The following CYP39A1 variants were observed in gnomAD, a reference collection of about 807,000 sequenced individuals.
CYP39A1 encodes the protein 24-hydroxycholesterol 7-alpha-hydroxylase.
Under a neutral mutation model 58.1 loss-of-function variants are expected in CYP39A1, and 49 were observed. The ratio of observed to expected loss-of-function variants is 0.84; its 90% CI spans 0.67 to 1.07. The LOEUF (loss-of-function observed/expected upper bound fraction) is 1.07. Ranked by LOEUF, CYP39A1 falls within the 50% of genes least tolerant of loss-of-function variation. The probability of loss-of-function intolerance (pLI) is 0.00; values close to 1 mark genes in which losing one functional copy is unlikely to be tolerated. For missense variants in CYP39A1, 531 were observed against 539.4 expected (o/e 0.98, Z 0.16); for synonymous variants, 209 against 187.6 (o/e 1.11, Z -0.93).
At chr6:46,574,618 G>A (rs1582316367) in intron 10 of CYP39A1, among the ~76,000 whole-genome samples, 2 of 152,150 alleles carry the variant, frequency 1.3e-5, no homozygotes, top group Non-Finnish European at 2.9e-5. Context: ...CAGTTAAGAT[G>A]AGATGAGAAA....
intron 4 of CYP39A1, among the ~76,000 whole-genome samples, chr6:46,636,889 T>G (rs769343347): frequency 2.0e-5 from 3 of 152,186 alleles, no homozygotes; most frequent in Non-Finnish European, 4.4e-5. Context: ...CAGTCACCAT[T>G]GTAGATGAAT....
At chr6:46,652,347 A>C (rs2150622619) in intron 1 of CYP39A1, 59 bp downstream of exon 1, 1 of 1,504,370 alleles carries the variant, frequency 6.6e-7, no homozygotes, top group Middle Eastern at 1.9e-4. Flanking sequence ...TCAATGAAAG[A>C]AAGTTTAAAA....
chr6:46,636,947 T>C (rs1776027294), intron 4 of CYP39A1, among the ~76,000 whole-genome samples: 1 of 152,172 alleles, frequency 6.6e-6, no homozygotes, highest in South Asian at 2.1e-4. Flanking sequence ...CCCAAATCTT[T>C]ATATGTTGAA....
intron 7 of CYP39A1, among the ~76,000 whole-genome samples, chr6:46,617,700 C>T (rs1019678270): frequency 6.6e-6 from 1 of 152,054 alleles, no homozygotes; most frequent in Non-Finnish European, 1.5e-5. Flanking sequence ...GCTGTATGGT[C>T]TTAGGTAAGT....
At chr6:46,585,231 C>A (rs1313513789) in intron 10 of CYP39A1, among the ~76,000 whole-genome samples, 3 of 152,114 alleles carry the variant, frequency 2.0e-5, no homozygotes, top group Non-Finnish European at 4.4e-5. Context: ...CCATACTACA[C>A]ACTTCATTGC....
chr6:46,584,462 C>T (rs1358589474), intron 10 of CYP39A1, among the ~76,000 whole-genome samples: 1 of 152,090 alleles, frequency 6.6e-6, no homozygotes, highest in Admixed American at 6.6e-5. Context: ...TCTCACCTGA[C>T]CCCCGCTTCT....
Position 46,634,506 on chromosome 6 carries a change from A to C in CYP39A1, c.732+1883T>G, listed in dbSNP as rs186456907. Among the ~76,000 whole-genome samples, 773 of 136,716 alleles carry C rather than the reference A, an allele frequency of 5.7e-3. 6 individuals are homozygous for C. The highest frequency in any genetic ancestry group is 7.7e-3 in the Admixed American group (92 of 11,874). The allele number at this position is 136,716 out of a possible 152,430, so 89.7% of individuals were successfully genotyped here. A position where few individuals can be genotyped will look rare whatever the true frequency, so the allele number is the denominator to read the frequency against. ...AGAGGTATTGTTGGTAGGGAATTTT[A>C]CTTTTTTTTTCTTTTTGCTTTTTTT... On this transcript the variant is annotated intron_variant, in intron 5 of 11. Transcript: ENST00000275016.
chr6:46,595,979 A>C lies in CYP39A1; in HGVS notation c.1065+8T>G. ...GGTTGATTCATTTAAAACCAAACCA[A>C]AGCTTACCAAAATTTCCACAGGCTT... On this transcript the variant is annotated splice_region_variant and intron_variant, in intron 8 of 11. Transcript: ENST00000275016. 2 of 1,606,916 alleles carry C rather than the reference A, an allele frequency of 1.2e-6. No individual in the cohort carries two copies. Among genetic ancestry groups the C allele is most frequent in the Non-Finnish European group, 1.7e-6 (2 of 1,177,518 alleles).
At chr6:46,578,822 C>A (rs1015027682) in intron 10 of CYP39A1, among the ~76,000 whole-genome samples, 7 of 151,800 alleles carry the variant, frequency 4.6e-5, no homozygotes, top group Non-Finnish European at 8.8e-5. Flanking sequence ...AATCTAACAA[C>A]CAAAAAAGCC....
At chr6:46,627,513 G>A (rs1256684832) in intron 6 of CYP39A1, among the ~76,000 whole-genome samples, 2 of 151,780 alleles carry the variant, frequency 1.3e-5, no homozygotes, top group African/African-American at 4.8e-5. Context: ...CCGCCTCCTG[G>A]GTTCACACCA....
At chr6:46,575,478 C>T (rs904206521) in intron 10 of CYP39A1, among the ~76,000 whole-genome samples, 2 of 152,178 alleles carry the variant, frequency 1.3e-5, no homozygotes, top group Non-Finnish European at 2.9e-5. Flanking sequence ...TGTCAATGGC[C>T]ACCACGAGTT....
chr6:46,562,963 T>G (rs543524934), intron 10 of CYP39A1, among the ~76,000 whole-genome samples: 1 of 152,102 alleles, frequency 6.6e-6, no homozygotes, highest in East Asian at 1.9e-4. Context: ...GTTATTAAAT[T>G]AATAACTAGC....
chr6:46,584,940 G>A (rs1025025434), intron 10 of CYP39A1, among the ~76,000 whole-genome samples: 2 of 152,086 alleles, frequency 1.3e-5, no homozygotes, highest in African/African-American at 4.8e-5. Flanking sequence ...CCCCTACTAA[G>A]TTGTTTCTCA....
rs73469137 is a variant in CYP39A1, at chr6:46,609,763, A to G, written c.932-13643T>C. Among the ~76,000 whole-genome samples the G allele has an allele frequency of 6.4e-3, 968 of 152,346 alleles. 12 individuals carry two copies. The highest frequency in any genetic ancestry group is 0.022 in the African/African-American group (903 of 41,576). On this transcript the variant is annotated intron_variant, in intron 7 of 11. Coordinates refer to ENST00000275016, the MANE Select transcript of CYP39A1 (RefSeq NM_016593.5). ...GAGAGACCCTTCAAAAATTCAATAT[A>G]AAAATCAATACTCTATATTACCTCC...
At chr6:46,576,891 G>A (rs1055032398) in intron 10 of CYP39A1, among the ~76,000 whole-genome samples, 1 of 152,182 alleles carries the variant, frequency 6.6e-6, no homozygotes, top group Non-Finnish European at 1.5e-5. Flanking sequence ...GAAAAAGATG[G>A]AGAGAGAACA....
chr6:46,649,262 A>T (rs1762525966), intron 1 of CYP39A1, among the ~76,000 whole-genome samples: 1 of 152,322 alleles, frequency 6.6e-6, no homozygotes, highest in South Asian at 2.1e-4. Context: ...GCCTCTCTAT[A>T]ATGACAGCTT....
At chr6:46,614,539 TTTCTTCTTC>T (rs1774417370) in intron 7 of CYP39A1, among the ~76,000 whole-genome samples, 1 of 152,162 alleles carries the variant, frequency 6.6e-6, no homozygotes, top group Admixed American at 6.6e-5. Flanking sequence ...AGATGTGTCT[TTTCTTCTTC>T]ATCTTACCCC....
At chr6:46,631,167 T>C in intron 5 of CYP39A1, 97 bp from the exon 6 acceptor site, 2 of 972,358 alleles carry the variant, frequency 2.1e-6, no homozygotes, top group Non-Finnish European at 3.2e-6. Context: ...ATATGAAAGA[T>C]ATCATTTCTG....
At chr6:46,633,268 G>A (rs1775768540) in intron 5 of CYP39A1, among the ~76,000 whole-genome samples, 1 of 151,932 alleles carries the variant, frequency 6.6e-6, no homozygotes, top group African/African-American at 2.4e-5. Flanking sequence ...GTTGTCACAG[G>A]ACAAAGTTTA....
Sources: allele counts gnomAD v4.1 joint callset (sites outside exome capture counted in the v4.1 genomes callset), GRCh38; gene constraint gnomAD v4.1.1; transcripts MANE v1.5; gene names NCBI Gene and HGNC (gene_info 2026-07-23, HGNC 2026-07-21).